Variants in PRSS23 observed in about 807,000 individuals in gnomAD.
The protein encoded by PRSS23 is protease, serine 23.
A neutral mutation model predicts 34.7 loss-of-function variants in PRSS23; 25 were observed. The observed-to-expected ratio is 0.72, with a 90% CI of 0.53 to 1.01. PRSS23 has a LOEUF of 1.01. Among genes scored for constraint, PRSS23 ranks in the 50% least tolerant of loss-of-function variants. The pLI is 0.00. For synonymous variants in PRSS23, 176 were observed against 186.6 expected (o/e 0.94, Z 0.46); for missense variants, 445 against 475.6 (o/e 0.94, Z 0.60).
chr11:86,908,964 C>T (rs1173037182), intron 2 of PRSS23: 1 of 124,400 alleles, frequency 8.0e-6, no homozygotes, highest in African/African-American at 2.9e-5. Flanking sequence ...TGCCTTATGG[C>T]TTATCTTTTT....
intron 2 of PRSS23, among the ~76,000 whole-genome samples, chr11:86,926,604 T>C (rs1286612665): frequency 1.3e-5 from 2 of 152,196 alleles, no homozygotes. Context: ...TGACTGGACC[T>C]ACTTCTCCAG....
chr11:86,823,353 G>A (rs1445198976), intron 1 of PRSS23: 4 of 700,396 alleles, frequency 5.7e-6, no homozygotes, highest in East Asian at 2.7e-5. Flanking sequence ...TGAACTTGCT[G>A]TCTCTGTGTT....
intron 2 of PRSS23, among the ~76,000 whole-genome samples, chr11:86,853,635 G>A (rs1590895001): frequency 1.3e-5 from 2 of 152,100 alleles, no homozygotes; most frequent in African/African-American, 2.4e-5. Flanking sequence ...TTCTGTCCAC[G>A]AACGCTTGGG....
At chr11:86,898,231 G>T (rs1948889292) in intron 2 of PRSS23, among the ~76,000 whole-genome samples, 1 of 152,192 alleles carries the variant, frequency 6.6e-6, no homozygotes, top group Admixed American at 6.5e-5. Flanking sequence ...GAGGAGAAGG[G>T]TTTTCACCTC....
In PRSS23 at chr11:86,840,045, A is replaced by G. The variant is rs191522649; in HGVS notation, c.206+16452A>G. On this transcript the variant is annotated intron_variant, in intron 2 of 2. Coordinates refer to the PRSS23 transcript ENST00000533902. ...TGCTATGAAGAAACTGCATTAATTA[A>G]TGGACAAAATAACCAGCTAACATCA... is the stretch of plus-strand genomic sequence containing the variant. Among the ~76,000 whole-genome samples, 36 of 152,228 alleles carry G rather than the reference A, an allele frequency of 2.4e-4. 2 individuals carry two copies. Among genetic ancestry groups the G allele is most frequent in the Admixed American group, 2.3e-3 (35 of 15,292 alleles).
intron 2 of PRSS23, among the ~76,000 whole-genome samples, chr11:86,849,019 C>T (rs1948509941): frequency 6.6e-6 from 1 of 152,204 alleles, no homozygotes; most frequent in Non-Finnish European, 1.5e-5. Flanking sequence ...AGGATGAAGG[C>T]CCCCTGGGCC....
intron 2 of PRSS23, among the ~76,000 whole-genome samples, chr11:86,856,578 ATCTTGGAAAGTC>A (rs1176089070): frequency 6.6e-6 from 1 of 152,214 alleles, no homozygotes; most frequent in African/African-American, 2.4e-5. Flanking sequence ...CTGACTTAAC[ATCTTGGAAAGTC>A]TCTTGGAAAC....
intron 1 of PRSS23, among the ~76,000 whole-genome samples, chr11:86,802,841 T>C (rs1489712294): frequency 6.6e-6 from 1 of 152,168 alleles, no homozygotes; most frequent in African/African-American, 2.4e-5. Context: ...TCCAAAGAGA[T>C]TGTTGTTTGC....
At chr11:86,846,358 G>A (rs1948486446) in intron 2 of PRSS23, among the ~76,000 whole-genome samples, 1 of 152,092 alleles carries the variant, frequency 6.6e-6, no homozygotes, top group South Asian at 2.1e-4. Context: ...GGCTAAACTA[G>A]GCACCTGTCA....
At chr11:86,830,691 C>A (rs1948347628) in intron 2 of PRSS23, among the ~76,000 whole-genome samples, 2 of 152,150 alleles carry the variant, frequency 1.3e-5, no homozygotes, top group Admixed American at 6.5e-5. Flanking sequence ...GGGCTATACA[C>A]CCCGTAATAT....
chr11:86,864,221 ATT>A (rs34233740), intron 2 of PRSS23, among the ~76,000 whole-genome samples: 9,276 of 148,856 alleles, frequency 0.062, 387 homozygotes, highest in African/African-American at 0.11. Flanking sequence ...TTTAAACTTG[ATT>A]TTTTTTTTTT....
At position 86,808,497 on chromosome 11, in the gene PRSS23, A is replaced by G; in HGVS notation, c.854A>G (p.Asp285Gly). ...GRIHFSGYDNDRPGNLVYRFC... is the reference protein window; with the variant it reads ...GRIHFSGYDNGRPGNLVYRFC... ...ATTCACTTCTCTGGTTATGACAATG[A>G]CCGACCAGGCAATTTGGTGTATCGC... Residue 285 changes from aspartate to glycine, a missense_variant, in exon 2 of 2, where the codon GAC (aspartate) becomes GGC (glycine). Physicochemically the swap from Asp to Gly is moderately conservative, Grantham distance 94. Coordinates refer to ENST00000280258, the MANE Select transcript of PRSS23 (RefSeq NM_007173.6). The G allele has an allele frequency of 1.9e-6, 3 of 1,614,224 alleles. No individual in the cohort carries two copies. The highest frequency in any genetic ancestry group is 2.5e-6 in the Non-Finnish European group (3 of 1,180,044).
intron 2 of PRSS23, among the ~76,000 whole-genome samples, chr11:86,856,376 G>A (rs927356138): frequency 2.6e-5 from 4 of 151,286 alleles, no homozygotes; most frequent in African/African-American, 7.3e-5. Flanking sequence ...AAATCGGAAT[G>A]TCAGGTAATG....
At chr11:86,880,442 TAAAAA>T (rs999545986) in intron 2 of PRSS23, among the ~76,000 whole-genome samples, 1 of 147,992 alleles carries the variant, frequency 6.8e-6, no homozygotes, top group South Asian at 2.2e-4. Flanking sequence ...GAATGATCAA[TAAAAA>T]AAATAAAAAA....
At chr11:86,952,235 G>C in exon 3 of PRSS23, 1 of 1,614,164 alleles carries the variant, frequency 6.2e-7, no homozygotes, top group Non-Finnish European at 8.5e-7. Context: ...AGGCTGGATG[G>C]GGGTTTTGTG....
intron 2 of PRSS23, among the ~76,000 whole-genome samples, chr11:86,827,497 A>G (rs557882320): frequency 2.3e-4 from 35 of 151,736 alleles, no homozygotes; most frequent in East Asian, 1.6e-3. Flanking sequence ...ATTTCCTTCA[A>G]TTCTGCTCTG....
Position 86,808,269 on chromosome 11 carries a change from CCACTT to C in PRSS23, c.629_633del (p.Thr210SerfsTer29). ...GATGGTGGTCGAGGGGCCAACGACT[CCACTT>C]CAGCCATGCCCGAGCAGATGAAATT... On this transcript the variant is annotated frameshift_variant, in exon 2 of 2. Transcript: ENST00000280258. LOFTEE classifies it high-confidence loss of function. The C allele has an allele frequency of 1.9e-6, 3 of 1,614,038 alleles. No individual in the cohort carries two copies. The highest frequency in any genetic ancestry group is 2.2e-5 in the East Asian group (1 of 44,874).
At chr11:86,894,785 T>C (rs1948863866) in intron 2 of PRSS23, among the ~76,000 whole-genome samples, 1 of 152,160 alleles carries the variant, frequency 6.6e-6, no homozygotes, top group Non-Finnish European at 1.5e-5. Context: ...TCCCCTAAAC[T>C]CTCATGTCCC....
At chr11:86,804,213 T>G (rs1202898012) in intron 1 of PRSS23, among the ~76,000 whole-genome samples, 2 of 152,152 alleles carry the variant, frequency 1.3e-5, no homozygotes, top group East Asian at 1.9e-4. Context: ...AGACATCAGT[T>G]TAAACCCATT....
Sources: allele counts gnomAD v4.1 joint callset (sites outside exome capture counted in the v4.1 genomes callset), GRCh38; gene constraint gnomAD v4.1.1; transcripts MANE v1.5; gene names NCBI Gene and HGNC (gene_info 2026-07-23, HGNC 2026-07-21).